The following DLGAP2 variants were observed in gnomAD, a reference collection of about 807,000 sequenced individuals.
The protein encoded by DLGAP2 is disks large-associated protein 2.
In DLGAP2, 26 loss-of-function variants were observed where a neutral mutation model predicts 100.3. The ratio of observed to expected loss-of-function variants is 0.26; its 90% CI spans 0.19 to 0.36. DLGAP2 has a LOEUF of 0.36. DLGAP2 is among the 10% of genes least tolerant of loss of function. DLGAP2 has a pLI of 1.00. For missense variants in DLGAP2, 1,858 were observed against 1,453.2 expected, an observed-to-expected ratio of 1.28 and a Z score of -4.53; for synonymous variants, 886 against 630.1, an observed-to-expected ratio of 1.41 and a Z score of -6.08.
At chr8:1,130,585 C>T (rs1027172611) in intron 2 of DLGAP2, among the ~76,000 whole-genome samples, 11 of 152,192 alleles carry the variant, frequency 7.2e-5, no homozygotes, top group African/African-American at 2.7e-4. Flanking sequence ...TAACTGGTCC[C>T]TGGCGACAAG....
At chr8:1,593,342 C>A (rs908292566) in intron 6 of DLGAP2, among the ~76,000 whole-genome samples, 1 of 152,020 alleles carries the variant, frequency 6.6e-6, no homozygotes, top group Non-Finnish European at 1.5e-5. Context: ...GTAGTCCCAG[C>A]TACTCAGGAG....
chr8:1,065,634 A>G (rs1160975654), intron 2 of DLGAP2, among the ~76,000 whole-genome samples: 1 of 152,152 alleles, frequency 6.6e-6, no homozygotes, highest in Non-Finnish European at 1.5e-5. Context: ...TTCCTTTCTT[A>G]TGGGATCATC....
chr8:973,667 C>T (rs1247660720), intron 2 of DLGAP2, among the ~76,000 whole-genome samples: 1 of 152,242 alleles, frequency 6.6e-6, no homozygotes, highest in Non-Finnish European at 1.5e-5. Context: ...CCAGCCTCTG[C>T]TTTTTCTCAG....
Position 1,379,954 on chromosome 8 carries a change from C to T in DLGAP2, c.106+121071C>T, listed in dbSNP as rs140600890. Among the ~76,000 whole-genome samples the T allele has an allele frequency of 3.9e-3, 583 of 151,104 alleles. 3 individuals carry two copies. Among genetic ancestry groups the T allele is most frequent in the African/African-American group, 0.013 (544 of 41,172 alleles). On this transcript the variant is annotated intron_variant, in intron 3 of 14. Coordinates refer to ENST00000637795, the MANE Select transcript of DLGAP2 (RefSeq NM_001346810.2). ...GCCCTCCCTTCCCTCCCCTCCTGCT[C>T]GGTGGGGGCCTGCTCTTTTGGGGGT...
intron 3 of DLGAP2, among the ~76,000 whole-genome samples, chr8:1,366,849 C>T (rs1802119838): frequency 6.6e-6 from 1 of 152,134 alleles, no homozygotes; most frequent in Non-Finnish European, 1.5e-5. Context: ...CTGAGAGATG[C>T]AAGAAATGCT....
At chr8:1,188,826 CT>C (rs144276325) in intron 2 of DLGAP2, among the ~76,000 whole-genome samples, 16,894 of 152,240 alleles carry the variant, frequency 0.11, 2,771 homozygotes, top group African/African-American at 0.36. Flanking sequence ...CAGGATGTGC[CT>C]TTTTTTAGGA....
Position 1,549,451 on chromosome 8 carries a change from G to T in DLGAP2, c.998G>T (p.Ser333Ile), listed in dbSNP as rs765825782. The T allele has an allele frequency of 6.2e-6, 10 of 1,613,456 alleles. No homozygotes were observed. The highest frequency in any genetic ancestry group is 8.5e-6 in the Non-Finnish European group (10 of 1,179,770). Residue 333 changes from serine to isoleucine, a missense_variant, in exon 5 of 15, where the codon AGC (serine) becomes ATC (isoleucine). Coordinates refer to ENST00000637795, the MANE Select transcript of DLGAP2 (RefSeq NM_001346810.2). Reference protein sequence around the residue: ...VAHCYPDALQSPFGDLSLKTS... With the variant: ...VAHCYPDALQIPFGDLSLKTS... Reference sequence around the variant, plus strand: ...CACTGCTACCCCGACGCGCTGCAGAGCCCCTTCGGGGACCTGTCCCTCAAG... The same window carrying T: ...CACTGCTACCCCGACGCGCTGCAGATCCCCTTCGGGGACCTGTCCCTCAAG...
chr8:1,426,331 C>T (rs1418527719), intron 3 of DLGAP2, among the ~76,000 whole-genome samples: 2 of 152,148 alleles, frequency 1.3e-5, no homozygotes, highest in Non-Finnish European at 2.9e-5. Context: ...ACTAGATCTG[C>T]TCAAAGTCCA....
At chr8:1,595,620 T>C (rs1584969991) in intron 6 of DLGAP2, among the ~76,000 whole-genome samples, 1 of 144,018 alleles carries the variant, frequency 6.9e-6, no homozygotes, top group East Asian at 2.0e-4. Context: ...TGAGCCGAGA[T>C]TGCGCCACTG....
intron 8 of DLGAP2, among the ~76,000 whole-genome samples, chr8:1,655,994 C>T (rs1012831848): frequency 6.6e-6 from 1 of 152,208 alleles, no homozygotes; most frequent in African/African-American, 2.4e-5. Context: ...CGCAGAGGAA[C>T]CCAAGTGTAA....
intron 1 of DLGAP2, among the ~76,000 whole-genome samples, chr8:794,390 G>C (rs1279032040): frequency 6.6e-6 from 1 of 152,186 alleles, no homozygotes; most frequent in East Asian, 1.9e-4. Context: ...TCAGAGCTGA[G>C]AGCCCCAAAC....
intron 1 of DLGAP2, among the ~76,000 whole-genome samples, chr8:889,457 G>A (rs1797990292): frequency 6.6e-6 from 1 of 152,186 alleles, no homozygotes; most frequent in Admixed American, 6.5e-5. Flanking sequence ...TCAGGCCTAG[G>A]GAGTTCTGGG....
chr8:954,090 T>C (rs1799543197), intron 2 of DLGAP2, among the ~76,000 whole-genome samples: 1 of 152,190 alleles, frequency 6.6e-6, no homozygotes, highest in Admixed American at 6.5e-5. Context: ...AGTTTTGACG[T>C]CTTGAACCCC....
rs541237263 is a variant in DLGAP2 at position 1,319,968 on chromosome 8, G to A, written c.106+61085G>A. Among the ~76,000 whole-genome samples, 6 of 152,298 alleles carry A rather than the reference G, an allele frequency of 3.9e-5. No individual in the cohort carries two copies. In the East Asian group the frequency reaches 1.2e-3, roughly 29 times the overall value. On this transcript the variant is annotated intron_variant, in intron 3 of 14. Transcript: ENST00000637795. Reference sequence around the variant, plus strand: ...CTTAGCTTTAACCCAGATGCTGGTGGAGTAACAGGGGTGGGGGAGAATAGG... The same window carrying A: ...CTTAGCTTTAACCCAGATGCTGGTGAAGTAACAGGGGTGGGGGAGAATAGG...
intron 6 of DLGAP2, among the ~76,000 whole-genome samples, chr8:1,610,254 A>T (rs924364877): frequency 1.1e-4 from 16 of 152,364 alleles, no homozygotes; most frequent in Middle Eastern, 3.4e-3. Context: ...CTGCTCAACT[A>T]CATGGAAACT....
intron 3 of DLGAP2, among the ~76,000 whole-genome samples, chr8:1,265,708 G>A (rs775747113): frequency 2.6e-5 from 4 of 152,178 alleles, no homozygotes; most frequent in Non-Finnish European, 4.4e-5. Flanking sequence ...AGAGAATACA[G>A]ACAAGTGTAC....
intron 1 of DLGAP2, among the ~76,000 whole-genome samples, chr8:905,936 T>C (rs547703871): frequency 6.6e-6 from 1 of 152,226 alleles, no homozygotes; most frequent in African/African-American, 2.4e-5. Flanking sequence ...GCGATGGTGA[T>C]AGAGTCCCAT....
intron 2 of DLGAP2, among the ~76,000 whole-genome samples, chr8:1,218,579 C>T (rs1798257468): frequency 6.6e-6 from 1 of 151,990 alleles, no homozygotes; most frequent in South Asian, 2.1e-4. Context: ...ATGCCTCCAC[C>T]TTTGCTCTTT....
At chr8:803,778 T>C (rs567904820) in intron 1 of DLGAP2, among the ~76,000 whole-genome samples, 4 of 152,342 alleles carry the variant, frequency 2.6e-5, no homozygotes, top group African/African-American at 7.2e-5. Context: ...ATTCCCATTT[T>C]GTGATACTTA....
Sources: gnomAD v4.1 joint callset for allele counts (sites outside exome capture counted in the v4.1 genomes callset) on GRCh38, gnomAD v4.1.1 for gene constraint, MANE v1.5 for transcripts, NCBI Gene and HGNC (gene_info 2026-07-23, HGNC 2026-07-21) for gene names.